MYT1L: variants seen among roughly 807,000 people sequenced by gnomAD.
MYT1L encodes the protein myelin transcription factor 1 like, also known as myelin transcription factor 1-like protein.
A neutral mutation model predicts 126.7 loss-of-function variants in MYT1L; 12 were observed. That is an observed-to-expected ratio of 0.09 (90% CI 0.06 to 0.15). The LOEUF is 0.15. Ranked by LOEUF, MYT1L falls within the 10% of genes least tolerant of loss-of-function variation. The pLI, the probability that MYT1L is intolerant of heterozygous loss-of-function variation, is 1.00. For synonymous variants in MYT1L, 541 were observed against 604.2 expected, an observed-to-expected ratio of 0.90 and a Z score of 1.53; for missense variants, 979 against 1,585.2, an observed-to-expected ratio of 0.62 and a Z score of 6.49.
intron 8 of MYT1L, among the ~76,000 whole-genome samples, chr2:1,948,865 G>C (rs1242536075): frequency 6.6e-6 from 1 of 152,122 alleles, no homozygotes; most frequent in African/African-American, 2.4e-5. Context: ...CTGACAGAAT[G>C]ATGTTTACTC....
At chr2:2,055,049 T>G (rs530673092) in intron 3 of MYT1L, among the ~76,000 whole-genome samples, 9 of 152,212 alleles carry the variant, frequency 5.9e-5, no homozygotes, top group Non-Finnish European at 1.3e-4. Flanking sequence ...TAATTTCCAA[T>G]AAATCATTCC....
rs551861990 is a variant in MYT1L, at chr2:1,821,782, A to T, written c.3081-12615T>A. Among the ~76,000 whole-genome samples the T allele has an allele frequency of 7.9e-5, 12 of 152,140 alleles. No homozygotes were observed. The South Asian group carries it at 2.3e-3, about 29-fold the overall frequency. On this transcript the variant is annotated intron_variant, in intron 21 of 24. Coordinates refer to ENST00000647738, the MANE Select transcript of MYT1L (RefSeq NM_001303052.2). ...GTGGAGAAGGCAGAGGAGCAGGAGG[A>T]GCCGCTGGATTCCCGGAGCCACACG...
At chr2:1,867,057 T>TG (rs1558212306) in intron 18 of MYT1L, among the ~76,000 whole-genome samples, 3 of 24,424 alleles carry the variant, frequency 1.2e-4, no homozygotes, top group Non-Finnish European at 2.5e-4. Context: ...GAGAGAGGGT[T>TG]GGGGGAGAGA....
In MYT1L at chr2:1,887,222, T is replaced by TCTG. The variant is rs1487489531; in HGVS notation, c.2642+263_2642+265dup. 1 of 420,786 alleles carries TCTG rather than the reference T, an allele frequency of 2.4e-6. No homozygotes were observed. The highest frequency in any genetic ancestry group is 2.0e-5 in the African/African-American group (1 of 48,824). 26.1% of individuals were successfully genotyped at this position (420,786 alleles called of 1,614,324 possible). On this transcript the variant is annotated intron_variant, in intron 17 of 24. Transcript: ENST00000647738. The surrounding 1 kb of genome is among the most constrained non-coding windows in gnomAD (Gnocchi z 4.8). ...CATTGTTTCCAGTTTAGCTGCAATGTCTGCAAGGGGATTTAAGCACCCTGA... is the reference window on the plus strand; with the variant it reads ...CATTGTTTCCAGTTTAGCTGCAATGTCTGCTGCAAGGGGATTTAAGCACCCTGA...
intron 3 of MYT1L, among the ~76,000 whole-genome samples, chr2:2,064,241 A>C (rs2070926787): frequency 6.6e-6 from 1 of 152,216 alleles, no homozygotes; most frequent in African/African-American, 2.4e-5. Flanking sequence ...ACACGAGGTC[A>C]GTGCCTAGAC....
At position 1,851,623 on chromosome 2, in the gene MYT1L, A is replaced by G. The variant is rs1410883143; in HGVS notation, c.2774+18T>C. On this transcript the variant is annotated intron_variant, in intron 19 of 24. Coordinates refer to ENST00000647738, the MANE Select transcript of MYT1L (RefSeq NM_001303052.2). Reference sequence around the variant, plus strand: ...TGAGAAAGAGCATTTTGGAGAGAAGAGTAGCATCTCTACATACCTCCGATG... The same window carrying G: ...TGAGAAAGAGCATTTTGGAGAGAAGGGTAGCATCTCTACATACCTCCGATG... 1.9e-6 allele frequency: 3 copies of G among 1,608,022 alleles called. No homozygotes were observed. Among genetic ancestry groups the G allele is most frequent in the East Asian group, 2.2e-5 (1 of 44,828 alleles).
chr2:2,104,067 G>A (rs1474359713), intron 3 of MYT1L, among the ~76,000 whole-genome samples: 3 of 152,210 alleles, frequency 2.0e-5, no homozygotes, highest in Admixed American at 6.5e-5. Flanking sequence ...AATACAGACT[G>A]AAAGTCACTA....
chr2:1,931,816 T>A (rs1212530227), intron 9 of MYT1L, among the ~76,000 whole-genome samples: 1 of 152,080 alleles, frequency 6.6e-6, no homozygotes, highest in East Asian at 1.9e-4. Flanking sequence ...GCTTTCTGTC[T>A]CTGTAAATCA....
intron 1 of MYT1L, among the ~76,000 whole-genome samples, chr2:2,327,760 G>A (rs2096259699): frequency 6.6e-6 from 1 of 152,160 alleles, no homozygotes; most frequent in South Asian, 2.1e-4. Flanking sequence ...AACTGTAAGT[G>A]CAAAGCAGAG....
At chr2:2,135,031 T>C (rs1378817480) in intron 3 of MYT1L, among the ~76,000 whole-genome samples, 1 of 152,176 alleles carries the variant, frequency 6.6e-6, no homozygotes, top group Non-Finnish European at 1.5e-5. Flanking sequence ...TCCACCAAAT[T>C]CAGTTCCCTT....
chr2:2,093,676 C>CAGAA lies in MYT1L; in HGVS notation c.-303-39557_-303-39554dup, dbSNP rs1322413365. 3.3e-5 allele frequency among the ~76,000 whole-genome samples: 5 copies of CAGAA among 152,150 alleles called. No homozygotes were observed. The South Asian group carries it at 6.2e-4, about 19-fold the overall frequency. On this transcript the variant is annotated intron_variant, in intron 3 of 24. Coordinates refer to ENST00000647738, the MANE Select transcript of MYT1L (RefSeq NM_001303052.2). ...TCTGATGGTAGTTTCTTTTGCTGTG[C>CAGAA]AGAAGCTCTTTAGTTTAATTAGATC...
chr2:1,946,992 G>A (rs1262447287), intron 8 of MYT1L, among the ~76,000 whole-genome samples: 2 of 152,108 alleles, frequency 1.3e-5, no homozygotes, highest in Non-Finnish European at 2.9e-5. Context: ...TGGTGTCGCG[G>A]GTCATAATGA....
chr2:2,195,431 T>C (rs1271036689), intron 2 of MYT1L, among the ~76,000 whole-genome samples: 1 of 152,244 alleles, frequency 6.6e-6, no homozygotes, highest in African/African-American at 2.4e-5. Flanking sequence ...GAGGTGTTTT[T>C]CTGTGATTTA....
chr2:2,134,139 C>T (rs1175077232), intron 3 of MYT1L, among the ~76,000 whole-genome samples: 2 of 152,162 alleles, frequency 1.3e-5, no homozygotes, highest in African/African-American at 4.8e-5. Context: ...CGAGTGCACC[C>T]AGCCCAGTAC....
intron 1 of MYT1L, among the ~76,000 whole-genome samples, chr2:2,295,723 GATAGAGAGAC>G (rs1559585633): frequency 3.9e-5 from 2 of 51,578 alleles, no homozygotes; most frequent in Admixed American, 1.6e-4. Flanking sequence ...CAGAGAGAGA[GATAGAGAGAC>G]AGACAGACAG....
At chr2:1,956,842 C>T (rs1055463391) in intron 8 of MYT1L, among the ~76,000 whole-genome samples, 1 of 151,972 alleles carries the variant, frequency 6.6e-6, no homozygotes, top group Non-Finnish European at 1.5e-5. Flanking sequence ...AAAAAAAATC[C>T]ATGTGTTTCA....
chr2:2,231,421 T>C (rs994518034), intron 2 of MYT1L, among the ~76,000 whole-genome samples: 8 of 152,072 alleles, frequency 5.3e-5, no homozygotes, highest in Admixed American at 1.3e-4. Context: ...TAGGCAAAAA[T>C]GGTTTTGTTT....
At chr2:1,973,775 T>C (rs749200103) in intron 8 of MYT1L, among the ~76,000 whole-genome samples, 4 of 152,202 alleles carry the variant, frequency 2.6e-5, no homozygotes, top group Non-Finnish European at 5.9e-5. Flanking sequence ...CCTCACCCCG[T>C]GATGCTTCCC....
intron 15 of MYT1L, among the ~76,000 whole-genome samples, chr2:1,890,285 CT>C (rs1162615536): frequency 6.6e-6 from 1 of 152,108 alleles, no homozygotes; most frequent in Non-Finnish European, 1.5e-5. Context: ...GTTGGCCAGG[CT>C]GGTCTCAAAC....
Sources: gnomAD v4.1 joint callset for allele counts (sites outside exome capture counted in the v4.1 genomes callset) on GRCh38, gnomAD v4.1.1 for gene constraint, Gnocchi (gnomAD v3.1) non-coding constraint, MANE v1.5 for transcripts, NCBI Gene and HGNC (gene_info 2026-07-23, HGNC 2026-07-21) for gene names.